The following PPP6R1 variants were observed in gnomAD, a reference collection of about 807,000 sequenced individuals.
PPP6R1 encodes serine/threonine-protein phosphatase 6 regulatory subunit 1.
PPP6R1 carries 39 observed loss-of-function variants against 104.6 expected under a neutral mutation model. That is an observed-to-expected ratio of 0.37 (90% confidence interval 0.29 to 0.49). PPP6R1 has a LOEUF of 0.49. PPP6R1 is among the 20% of genes least tolerant of loss of function. PPP6R1 has a pLI of 0.98. For missense variants in PPP6R1, 1,181 were observed against 1,155.8 expected (o/e 1.02, Z -0.32); for synonymous variants, 549 against 479.0 (o/e 1.15, Z -1.91).
intron 1 of PPP6R1, among the ~76,000 whole-genome samples, chr19:55,253,205 C>G (rs1156483257): frequency 6.6e-6 from 1 of 152,232 alleles, no homozygotes; most frequent in Admixed American, 6.5e-5. Context: ...ACATCAAGAC[C>G]AAGTAAAGAA....
At chr19:55,233,160 GAC>G (rs1271003975) in intron 17 of PPP6R1, 3 of 152,178 alleles carry the variant, frequency 2.0e-5, no homozygotes, top group Non-Finnish European at 4.4e-5. Flanking sequence ...TGCAGTATGG[GAC>G]TATATACTAT....
Position 55,230,472 on chromosome 19 carries a change from C to G in PPP6R1, c.*56G>C. On this transcript the variant is annotated 3_prime_UTR_variant, in exon 24 of 24. Transcript: ENST00000412770. Reference sequence around the variant, plus strand: ...CATCGTGGGACCCGCCCTGCCCCCACCCCGGGAGATCCACGGGAGGACGGA... The same window carrying G: ...CATCGTGGGACCCGCCCTGCCCCCAGCCCGGGAGATCCACGGGAGGACGGA... 2 of 1,609,546 alleles carry G rather than the reference C, an allele frequency of 1.2e-6. No homozygotes were observed. The highest frequency in any genetic ancestry group is 1.7e-6 in the Non-Finnish European group (2 of 1,177,742).
chr19:55,247,760 A>G (rs949770329), intron 1 of PPP6R1, among the ~76,000 whole-genome samples: 2 of 151,992 alleles, frequency 1.3e-5, no homozygotes, highest in Non-Finnish European at 2.9e-5. Context: ...CCTGGACACC[A>G]CTCACACACA....
In PPP6R1 at chr19:55,255,122, G is replaced by C. The variant is rs377402789; in HGVS notation, c.-7+3313C>G. 9.8e-5 allele frequency among the ~76,000 whole-genome samples: 15 copies of C among 152,326 alleles called. 1 individual carries two copies. The highest frequency in any genetic ancestry group is 3.1e-4 in the African/African-American group (13 of 41,578). On this transcript the variant is annotated intron_variant, in intron 1 of 23. Transcript: ENST00000412770. ...GGTCCCCACTTAAAGAGAACCCTCA[G>C]TGCCTCCCCCTCTGGCCCCAGAAGC...
Position 55,236,433 on chromosome 19 carries a change from G to A in PPP6R1, c.1988+210C>T, listed in dbSNP as rs2087399100. ...GGCCTCCCAAAGTACTGGGATTACA[G>A]GCACTCAGGGATTACATGAGCCCAC... On this transcript the variant is annotated intron_variant, in intron 17 of 23. Coordinates refer to ENST00000412770, the MANE Select transcript of PPP6R1 (RefSeq NM_014931.4). 6.9e-6 allele frequency: 4 copies of A among 580,038 alleles called. No homozygotes were observed. The Admixed American group carries it at 1.1e-4, about 16-fold the overall frequency. The allele number at this position is 580,038 out of a possible 1,614,324, so 35.9% of individuals were successfully genotyped here.
chr19:55,231,521 C>G (rs1419207601), intron 20 of PPP6R1, 30 bp from the exon 21 acceptor site: 2 of 1,599,078 alleles, frequency 1.3e-6, no homozygotes, highest in Non-Finnish European at 1.7e-6. Context: ...TCAGCTGCAG[C>G]TCCCAGCAAG....
intron 1 of PPP6R1, among the ~76,000 whole-genome samples, chr19:55,253,159 T>C (rs111432586): frequency 0.038 from 5,845 of 152,308 alleles, 310 homozygotes; most frequent in African/African-American, 0.12. Flanking sequence ...AGAAAATCCA[T>C]GGACCCGCAC....
chr19:55,255,496 T>TC (rs2087585986), intron 1 of PPP6R1, among the ~76,000 whole-genome samples: 1 of 151,494 alleles, frequency 6.6e-6, no homozygotes, highest in Non-Finnish European at 1.5e-5. Context: ...GGGAAATACC[T>TC]CACAGATGGG....
chr19:55,232,263 ACCCATCCTGTT>A, intron 17 of PPP6R1, 52 bp from the exon 18 acceptor site: 2 of 1,494,186 alleles, frequency 1.3e-6, no homozygotes, highest in Non-Finnish European at 1.8e-6. Flanking sequence ...ACCGGCCGAC[ACCCATCCTGTT>A]CCCTGCAGCC....
intron 2 of PPP6R1, 99 bp downstream of exon 2, chr19:55,246,778 T>C: frequency 8.6e-7 from 1 of 1,161,190 alleles, no homozygotes; most frequent in South Asian, 1.6e-5. Flanking sequence ...AACTGGAGTT[T>C]ACTGACACTG....
chr19:55,232,377 G>A, intron 17 of PPP6R1, 166 bp from the exon 18 acceptor site: 1 of 1,079,278 alleles, frequency 9.3e-7, no homozygotes, highest in Non-Finnish European at 1.3e-6. Context: ...GAGAGGCTGG[G>A]AGAGGGAGTT....
rs1164245427 is a variant in PPP6R1, at chr19:55,230,815, C to T, written c.2529G>A (p.Gly843=). 2.5e-6 allele frequency: 4 copies of T among 1,599,214 alleles called. No homozygotes were observed. Among genetic ancestry groups the T allele is most frequent in the African/African-American group, 1.3e-5 (1 of 74,316 alleles). Reference sequence around the variant, plus strand: ...GCCCCAAGGGCTCTGGGCTCTTCTCCCCTTCTGTGGTCTGGGGGGGCTGGT... The same window carrying T: ...GCCCCAAGGGCTCTGGGCTCTTCTCTCCTTCTGTGGTCTGGGGGGGCTGGT... ...GAHQPPQTTE[G]EKSPEPLGLP... Residue 843 remains glycine, a synonymous_variant, in exon 22 of 24, where the codon GGG becomes GGA. Transcript: ENST00000412770.
At chr19:55,253,654 G>A (rs115396237) in intron 1 of PPP6R1, among the ~76,000 whole-genome samples, 1,989 of 152,308 alleles carry the variant, frequency 0.013, 48 homozygotes, top group African/African-American at 0.045. Flanking sequence ...ACACTCTACA[G>A]ACCTCAATTA....
Position 55,232,117 on chromosome 19 carries a change from C to A in PPP6R1, c.2083G>T (p.Ala695Ser). The A allele has an allele frequency of 6.2e-7, 1 of 1,603,052 alleles. No individual in the cohort carries two copies. The highest frequency in any genetic ancestry group is 8.5e-7 in the Non-Finnish European group (1 of 1,174,890). Reference protein sequence around the residue: ...EGIGCAARGGATPLSYPSPGP... With the variant: ...EGIGCAARGGSTPLSYPSPGP... ...GGGCTGGGGTAGGACAGAGGGGTGG[C>A]CCCTCCACGGGCTGCACAGCCAATG... Residue 695 changes from alanine to serine, a missense_variant, in exon 18 of 24, where the codon GCC becomes TCC. By Grantham distance (99) the Ala-to-Ser change is moderately conservative (BLOSUM62 1). Around this residue, in one of 2 missense-constraint regions of PPP6R1, gnomAD observed 1,042 missense variants for 955.6 expected, o/e 1.09. Coordinates refer to ENST00000412770, the MANE Select transcript of PPP6R1 (RefSeq NM_014931.4).
In PPP6R1 at chr19:55,240,100, G is replaced by A. The variant is rs1483833798; in HGVS notation, c.1376C>T (p.Pro459Leu). 1.3e-6 allele frequency: 2 copies of A among 1,587,326 alleles called. No individual in the cohort carries two copies. Among genetic ancestry groups the A allele is most frequent in the Non-Finnish European group, 8.6e-7 (1 of 1,167,794 alleles). ...ENDRVQCAGG[P>L]RKGYMGHLTR... is the part of the protein sequence containing the mutation. ...CAGGTGACCCATGTAGCCTTTCCGA[G>A]GGCCTCCCGCACACCTGGCAAGAGT... The change falls in exon 12 of 24, where the codon CCT becomes CTT. Residue 459 changes from proline to leucine, a missense_variant. Pro to Leu is a moderately conservative substitution (Grantham distance 98). Around this residue, in one of 2 missense-constraint regions of PPP6R1, gnomAD observed 1,042 missense variants for 955.6 expected, o/e 1.09. Coordinates refer to ENST00000412770, the MANE Select transcript of PPP6R1 (RefSeq NM_014931.4).
At chr19:55,250,796 C>T (rs1316107439) in intron 1 of PPP6R1, among the ~76,000 whole-genome samples, 1 of 152,168 alleles carries the variant, frequency 6.6e-6, no homozygotes, top group African/African-American at 2.4e-5. Context: ...CATCCCACCC[C>T]TTCTGCCTGC....
intron 1 of PPP6R1, among the ~76,000 whole-genome samples, chr19:55,249,072 G>A (rs1233150279): frequency 1.3e-5 from 2 of 152,222 alleles, no homozygotes; most frequent in African/African-American, 2.4e-5. Flanking sequence ...AGTTGAGGGT[G>A]GAGCAGAGGG....
chr19:55,242,681 C>T lies in PPP6R1; in HGVS notation c.619-193G>A. ...GAAGATGGTGGAGAGAACAGGAAGCCCGGAAGGCTCCCCAGGACAGGAGGC... is the reference window on the plus strand; with the variant it reads ...GAAGATGGTGGAGAGAACAGGAAGCTCGGAAGGCTCCCCAGGACAGGAGGC... On this transcript the variant is annotated intron_variant, in intron 5 of 23. Coordinates refer to ENST00000412770, the MANE Select transcript of PPP6R1 (RefSeq NM_014931.4). 5.1e-6 allele frequency: 3 copies of T among 586,076 alleles called. No individual in the cohort carries two copies. In the South Asian group the frequency reaches 5.7e-5, roughly 11 times the overall value. 36.3% of individuals were successfully genotyped at this position (586,076 alleles called of 1,614,324 possible).
chr19:55,228,599 C>G (rs2087308340), downstream of PPP6R1: 7 of 1,534,338 alleles, frequency 4.6e-6, no homozygotes, highest in Non-Finnish European at 6.2e-6. Context: ...AGGGCCCAAC[C>G]AACTCAAGGA....
Sources: allele counts gnomAD v4.1 joint callset (sites outside exome capture counted in the v4.1 genomes callset), GRCh38; gene constraint gnomAD v4.1.1; regional missense constraint gnomAD v4.1.1; transcripts MANE v1.5; gene names NCBI Gene and HGNC (gene_info 2026-07-23, HGNC 2026-07-21).